Variants in HYAL4 observed in about 807,000 individuals in gnomAD.
The protein encoded by HYAL4 is hyaluronidase 4.
HYAL4 carries 37 observed loss-of-function variants against 35.2 expected under a neutral mutation model. That is an observed-to-expected ratio of 1.05 (90% CI 0.81 to 1.38). The LOEUF is 1.38. Among genes scored for constraint, HYAL4 ranks in the 40% most tolerant of loss-of-function variants. The pLI is 0.00. For synonymous variants in HYAL4, 198 were observed against 203.2 expected (o/e 0.97, Z 0.22); for missense variants, 572 against 572.4 (o/e 1.00, Z 0.01).
chr7:123,844,956 A>G (rs1233216913), upstream of HYAL4: 1 of 152,156 alleles, frequency 6.6e-6, no homozygotes, highest in East Asian at 1.9e-4. Flanking sequence ...AGGAAAGGGA[A>G]ATCCCCCAAT....
the HYAL4 span, among the ~76,000 whole-genome samples, chr7:123,813,750 G>T: frequency 6.6e-6 from 1 of 152,074 alleles, no homozygotes; most frequent in Non-Finnish European, 1.5e-5. Context: ...GCATGTTCTT[G>T]GAGTCACTTT....
intron 1 of HYAL4, among the ~76,000 whole-genome samples, chr7:123,846,012 G>C (rs1183102661): frequency 6.6e-6 from 1 of 152,198 alleles, no homozygotes; most frequent in Middle Eastern, 3.2e-3. Context: ...CCATCTGCAG[G>C]TCTCTCAGCC....
the HYAL4 span, among the ~76,000 whole-genome samples, chr7:123,768,398 T>C: frequency 6.6e-6 from 1 of 152,230 alleles, no homozygotes; most frequent in Non-Finnish European, 1.5e-5. Flanking sequence ...AAGACCTATC[T>C]TATTAGGATA....
At chr7:123,844,684 C>T (rs1456921130), upstream of HYAL4, among the ~76,000 whole-genome samples, 2 of 152,142 alleles carry the variant, frequency 1.3e-5, no homozygotes, top group Non-Finnish European at 2.9e-5. Flanking sequence ...TGGTGGGCTC[C>T]ACCCAGTTCG....
At chr7:123,799,706 A>G in the HYAL4 span, among the ~76,000 whole-genome samples, 1 of 151,944 alleles carries the variant, frequency 6.6e-6, no homozygotes, top group South Asian at 2.1e-4. Context: ...TCATTTACTC[A>G]TTTTGGTTCC....
rs773796209 is a variant in HYAL4 at position 123,876,818 on chromosome 7, C to T, written c.1109C>T (p.Thr370Ile). 6 of 1,614,098 alleles carry T rather than the reference C, an allele frequency of 3.7e-6. No homozygotes were observed. The highest frequency in any genetic ancestry group is 4.5e-5 in the East Asian group (2 of 44,888). The change falls in exon 5 of 5, where the codon ACC becomes ATC. Residue 370 changes from threonine (T) to isoleucine (I), a missense_variant. Transcript: ENST00000223026. ...SDLGSYIANVTRAAEVCSLHL... is the reference protein window; with the variant it reads ...SDLGSYIANVIRAAEVCSLHL... ...TTAGGGAGCTACATAGCCAATGTGA[C>T]CAGAGCTGCTGAGGTATGCAGCCTT... is the stretch of plus-strand genomic sequence containing the variant.
intron 2 of HYAL4, among the ~76,000 whole-genome samples, chr7:123,857,653 GTTTC>G (rs1395485136): frequency 1.6e-4 from 24 of 146,964 alleles, no homozygotes; most frequent in South Asian, 6.6e-4. Flanking sequence ...GCCTTTCTTT[GTTTC>G]TTTCTTTGTT....
At chr7:123,832,822 C>CAACTATG (rs1805906464) in intron 1 of HYAL4, among the ~76,000 whole-genome samples, 1 of 152,116 alleles carries the variant, frequency 6.6e-6, no homozygotes, top group Non-Finnish European at 1.5e-5. Flanking sequence ...ACTCATAGCT[C>CAACTATG]AGTTCCCACT....
intron 4 of HYAL4, chr7:123,876,048 C>A (rs541325632): frequency 1.1e-5 from 5 of 456,600 alleles, no homozygotes; most frequent in African/African-American, 1.0e-4. Flanking sequence ...CACCCCAGTC[C>A]CTTGGTGGCT....
At chr7:123,792,504 G>A in the HYAL4 span, among the ~76,000 whole-genome samples, 2 of 152,162 alleles carry the variant, frequency 1.3e-5, no homozygotes, top group Admixed American at 6.5e-5. Context: ...ATCTGCCAGG[G>A]CATACAAATA....
At chr7:123,854,407 T>C (rs1257469413) in intron 2 of HYAL4, among the ~76,000 whole-genome samples, 1 of 152,148 alleles carries the variant, frequency 6.6e-6, no homozygotes, top group Non-Finnish European at 1.5e-5. Context: ...GTCCCAGAGA[T>C]CTGGTACATT....
chr7:123,783,772 C>A, the HYAL4 span, among the ~76,000 whole-genome samples: 4 of 152,078 alleles, frequency 2.6e-5, no homozygotes, highest in African/African-American at 9.7e-5. Flanking sequence ...GAAGAAACGA[C>A]CTATGATTTT....
the HYAL4 span, among the ~76,000 whole-genome samples, chr7:123,818,164 A>G: frequency 6.6e-6 from 1 of 152,228 alleles, no homozygotes; most frequent in Admixed American, 6.5e-5. Flanking sequence ...GGCGTGAGCC[A>G]CTGCACCTGA....
chr7:123,874,753 C>T lies in HYAL4; in HGVS notation c.955-8C>T. 2 of 1,552,514 alleles carry T rather than the reference C, an allele frequency of 1.3e-6. No homozygotes were observed. The highest frequency in any genetic ancestry group is 1.8e-6 in the Non-Finnish European group (2 of 1,123,822). On this transcript the variant is annotated splice_region_variant and splice_polypyrimidine_tract_variant and intron_variant, in intron 3 of 4. Transcript: ENST00000223026. ...AATTAATAATGAACTCTACTGTCTT[C>T]AATCTAGCAAGATCTAGTCAGCACC...
the HYAL4 span, among the ~76,000 whole-genome samples, chr7:123,770,269 C>G: frequency 7.2e-5 from 11 of 151,772 alleles, no homozygotes; most frequent in Non-Finnish European, 1.5e-4. Flanking sequence ...CGTGAAATCC[C>G]GTCTCTACTA....
chr7:123,861,259 G>A (rs1007518325), intron 2 of HYAL4, among the ~76,000 whole-genome samples: 1 of 152,134 alleles, frequency 6.6e-6, no homozygotes, highest in Non-Finnish European at 1.5e-5. Context: ...TTTATGGGGA[G>A]GGAAGTATTT....
intron 1 of HYAL4, among the ~76,000 whole-genome samples, chr7:123,835,597 T>C (rs1004697211): frequency 6.6e-6 from 1 of 152,184 alleles, no homozygotes; most frequent in Non-Finnish European, 1.5e-5. Flanking sequence ...CTGATCTTGG[T>C]TATTTCCTTT....
intron 2 of HYAL4, among the ~76,000 whole-genome samples, chr7:123,859,185 T>C (rs926716856): frequency 6.6e-6 from 1 of 152,130 alleles, no homozygotes; most frequent in African/African-American, 2.4e-5. Flanking sequence ...GCTGAATAAA[T>C]CACCAAAACT....
At chr7:123,786,374 A>T in the HYAL4 span, among the ~76,000 whole-genome samples, 2 of 152,190 alleles carry the variant, frequency 1.3e-5, no homozygotes, top group East Asian at 3.8e-4. Flanking sequence ...CCACCTCCAC[A>T]CATACTATCC....
Sources: allele counts gnomAD v4.1 joint callset (sites outside exome capture counted in the v4.1 genomes callset), GRCh38; gene constraint gnomAD v4.1.1; transcripts MANE v1.5; gene names NCBI Gene and HGNC (gene_info 2026-07-23, HGNC 2026-07-21).